CRISPLD2: variants seen among roughly 807,000 people sequenced by gnomAD.
The protein encoded by CRISPLD2 is cysteine rich secretory protein LCCL domain containing 2.
Under a neutral mutation model 71.1 loss-of-function variants are expected in CRISPLD2, and 47 were observed. That is an observed-to-expected ratio of 0.66 (90% confidence interval 0.52 to 0.84). The LOEUF is 0.84. CRISPLD2 is among the 40% of genes least tolerant of loss of function. CRISPLD2 has a pLI of 0.00. For missense variants in CRISPLD2, 830 were observed against 651.1 expected (o/e 1.27, Z -2.99); for synonymous variants, 317 against 250.1 (o/e 1.27, Z -2.52).
At chr16:84,851,383 A>T (rs1190184105) in intron 5 of CRISPLD2, among the ~76,000 whole-genome samples, 1 of 152,178 alleles carries the variant, frequency 6.6e-6, no homozygotes, top group Non-Finnish European at 1.5e-5. Flanking sequence ...TCACTCCCCC[A>T]GTTCATGGCC....
At chr16:84,847,650 CAAAA>C (rs146057638) in intron 3 of CRISPLD2, among the ~76,000 whole-genome samples, 2 of 130,752 alleles carry the variant, frequency 1.5e-5, no homozygotes, top group African/African-American at 5.4e-5. Flanking sequence ...GAATTCGTCT[CAAAA>C]AAAAAAAAAA....
intron 14 of CRISPLD2, among the ~76,000 whole-genome samples, chr16:84,891,124 G>C (rs2071658485): frequency 6.6e-6 from 1 of 152,178 alleles, no homozygotes; most frequent in African/African-American, 2.4e-5. Context: ...GTGCACTTGA[G>C]GGTTAGGACA....
intron 8 of CRISPLD2, among the ~76,000 whole-genome samples, chr16:84,872,012 C>T (rs1019825960): frequency 1.3e-5 from 2 of 151,260 alleles, no homozygotes; most frequent in Non-Finnish European, 1.5e-5. Flanking sequence ...TGTGGTATTA[C>T]AGTATAATAA....
At chr16:84,881,687 G>A (rs904724124) in intron 13 of CRISPLD2, among the ~76,000 whole-genome samples, 1 of 152,190 alleles carries the variant, frequency 6.6e-6, no homozygotes, top group Non-Finnish European at 1.5e-5. Context: ...TGTTGCCCAG[G>A]CTGATCTCGA....
chr16:84,856,570 G>C (rs1232518660), intron 6 of CRISPLD2, among the ~76,000 whole-genome samples: 1 of 152,188 alleles, frequency 6.6e-6, no homozygotes, highest in South Asian at 2.1e-4. Flanking sequence ...GTGAGGGTGA[G>C]TGATGCCATT....
At chr16:84,830,361 G>A (rs1014540238) in intron 1 of CRISPLD2, among the ~76,000 whole-genome samples, 6 of 151,986 alleles carry the variant, frequency 3.9e-5, no homozygotes, top group Non-Finnish European at 7.4e-5. Flanking sequence ...AATGGATTGC[G>A]AACCAGTTCA....
intron 3 of CRISPLD2, among the ~76,000 whole-genome samples, chr16:84,848,213 G>C (rs1243082278): frequency 6.6e-6 from 1 of 152,214 alleles, no homozygotes; most frequent in African/African-American, 2.4e-5. Context: ...TGAGTGGCCA[G>C]CAGCCCTCTG....
chr16:84,901,109 T>G (rs1012385821), intron 14 of CRISPLD2, among the ~76,000 whole-genome samples: 13 of 151,828 alleles, frequency 8.6e-5, no homozygotes, highest in African/African-American at 2.9e-4. Flanking sequence ...AATATAACAC[T>G]TTATTACAAT....
chr16:84,880,749 A>G (rs1597476176), intron 13 of CRISPLD2, 165 bp downstream of exon 13: 1 of 524,108 alleles, frequency 1.9e-6, no homozygotes, highest in Non-Finnish European at 3.4e-6. Flanking sequence ...TCTGTTGCCC[A>G]GGCTGGAGTA....
chr16:84,850,430 GT>G (rs2143215374), intron 4 of CRISPLD2, 137 bp from the exon 5 acceptor site: 1 of 685,852 alleles, frequency 1.5e-6, no homozygotes, highest in East Asian at 2.6e-5. Context: ...TCTTCAATGG[GT>G]TAGGGACTAA....
At chr16:84,840,454 G>C (rs1226693221) in intron 2 of CRISPLD2, among the ~76,000 whole-genome samples, 2 of 152,196 alleles carry the variant, frequency 1.3e-5, no homozygotes, top group African/African-American at 4.8e-5. Context: ...AAGCCACCCT[G>C]TCTGTCCCCA....
At chr16:84,892,553 A>C (rs2143356301) in intron 14 of CRISPLD2, among the ~76,000 whole-genome samples, 1 of 152,310 alleles carries the variant, frequency 6.6e-6, no homozygotes, top group Non-Finnish European at 1.5e-5. Context: ...TACAGTAGCC[A>C]CCAACGGTGG....
At chr16:84,864,414 A>G (rs1196331648) in intron 6 of CRISPLD2, among the ~76,000 whole-genome samples, 1 of 152,198 alleles carries the variant, frequency 6.6e-6, no homozygotes, top group African/African-American at 2.4e-5. Context: ...TATGAGGTCT[A>G]AACATCCTAA....
intron 11 of CRISPLD2, among the ~76,000 whole-genome samples, chr16:84,876,050 T>A (rs969568949): frequency 6.6e-6 from 1 of 152,220 alleles, no homozygotes; most frequent in Non-Finnish European, 1.5e-5. Context: ...AAATCCTGCC[T>A]ATTGCCTGCT....
chr16:84,907,452 C>G lies in CRISPLD2; in HGVS notation c.*810C>G, dbSNP rs931166758. 1 of 152,272 alleles carries G rather than the reference C, an allele frequency of 6.6e-6. No individual in the cohort carries two copies. The highest frequency in any genetic ancestry group is 1.5e-5 in the Non-Finnish European group (1 of 68,076). 9.4% of individuals were successfully genotyped at this position (152,272 alleles called of 1,614,324 possible). A position where few individuals can be genotyped will look rare whatever the true frequency, so the allele number is the denominator to read the frequency against. On this transcript the variant is annotated 3_prime_UTR_variant, in exon 15 of 15. Coordinates refer to ENST00000262424, the MANE Select transcript of CRISPLD2 (RefSeq NM_031476.4). ...AGGATCGGGACCCTTTCTTTACCCC[C>G]TACCCGTTGTGGCTCCCACCCTGCC... is the stretch of plus-strand genomic sequence containing the variant.
intron 9 of CRISPLD2, 142 bp from the exon 10 acceptor site, chr16:84,872,850 A>G: frequency 9.7e-7 from 1 of 1,035,236 alleles, no homozygotes; most frequent in Non-Finnish European, 1.4e-6. Flanking sequence ...TTACAGACAG[A>G]GGCGAGAGGC....
Position 84,849,384 on chromosome 16 carries a change from G to C in CRISPLD2, c.360-1G>C, listed in dbSNP as rs1567686558. The C allele has an allele frequency of 6.2e-7, 1 of 1,612,394 alleles. No individual in the cohort carries two copies. ...CTGAGTGAGCGGTTTCTGCCCTGCA[G>C]GTATCGCTCTCCGGGGTTCCATGTG... On this transcript the variant is annotated splice_acceptor_variant, in intron 3 of 14. Transcript: ENST00000262424. LOFTEE classifies it high-confidence loss of function.
At chr16:84,821,256 T>C (rs1448701414) in intron 1 of CRISPLD2, among the ~76,000 whole-genome samples, 4 of 152,178 alleles carry the variant, frequency 2.6e-5, no homozygotes, top group African/African-American at 9.7e-5. Context: ...TCCAGTAGAC[T>C]GAGGCCATGA....
intron 2 of CRISPLD2, among the ~76,000 whole-genome samples, chr16:84,845,582 C>G (rs553957173): frequency 6.6e-6 from 1 of 152,360 alleles, no homozygotes; most frequent in Non-Finnish European, 1.5e-5. Context: ...AGTTAGAGGC[C>G]CAGCAGGAGG....
Sources: gnomAD v4.1 joint callset for allele counts (sites outside exome capture counted in the v4.1 genomes callset) on GRCh38, gnomAD v4.1.1 for gene constraint, MANE v1.5 for transcripts, NCBI Gene and HGNC (gene_info 2026-07-23, HGNC 2026-07-21) for gene names.